The following AUTS2 variants were observed in gnomAD, a reference collection of about 807,000 sequenced individuals.
AUTS2 encodes activator of transcription and developmental regulator AUTS2, also known as autism susceptibility gene 2 protein.
AUTS2 carries 17 observed loss-of-function variants against 112.4 expected under a neutral mutation model. The ratio of observed to expected loss-of-function variants is 0.15; its 90% confidence interval spans 0.10 to 0.23. The LOEUF (loss-of-function observed/expected upper bound fraction) is 0.23, where lower values mean the gene tolerates loss of function less well. AUTS2 is among the 10% of genes least tolerant of loss of function. The pLI is 1.00. For missense variants in AUTS2, 1,510 were observed against 1,701.6 expected, an observed-to-expected ratio of 0.89 and a Z score of 1.98; for synonymous variants, 751 against 702.7, an observed-to-expected ratio of 1.07 and a Z score of -1.09.
chr7:70,462,959 A>G (rs1344687886), intron 5 of AUTS2, among the ~76,000 whole-genome samples: 1 of 147,852 alleles, frequency 6.8e-6, no homozygotes, highest in African/African-American at 2.5e-5. Flanking sequence ...CTCCGTCTCA[A>G]AAAAAAAAAA....
At chr7:70,371,363 T>C (rs905859470) in intron 4 of AUTS2, among the ~76,000 whole-genome samples, 3 of 152,218 alleles carry the variant, frequency 2.0e-5, no homozygotes, top group African/African-American at 4.8e-5. Flanking sequence ...AATGAATGTA[T>C]TGATTGCATG....
intron 5 of AUTS2, among the ~76,000 whole-genome samples, chr7:70,595,559 C>G (rs532443461): frequency 1.3e-5 from 2 of 152,100 alleles, no homozygotes; most frequent in South Asian, 4.2e-4. Flanking sequence ...AGGAAGGCAG[C>G]CCCAAGGGCA....
intron 2 of AUTS2, among the ~76,000 whole-genome samples, chr7:69,948,213 G>C (rs1796891230): frequency 6.6e-6 from 1 of 152,124 alleles, no homozygotes; most frequent in African/African-American, 2.4e-5. Context: ...CAAGTGGAGT[G>C]GTGGCCACTC....
intron 4 of AUTS2, among the ~76,000 whole-genome samples, chr7:70,362,406 A>G (rs1792311098): frequency 6.6e-6 from 1 of 152,136 alleles, no homozygotes; most frequent in Non-Finnish European, 1.5e-5. Context: ...ACCACACAAT[A>G]CATTGAGATT....
intron 5 of AUTS2, among the ~76,000 whole-genome samples, chr7:70,446,751 G>A (rs1268172313): frequency 6.6e-6 from 1 of 152,122 alleles, no homozygotes; most frequent in Non-Finnish European, 1.5e-5. Flanking sequence ...TGTGCTTCAG[G>A]CAGGCGGTCT....
intron 11 of AUTS2, among the ~76,000 whole-genome samples, chr7:70,772,035 C>A (rs1345318401): frequency 6.6e-6 from 1 of 152,184 alleles, no homozygotes; most frequent in Non-Finnish European, 1.5e-5. Context: ...AAAGCTGGGT[C>A]CTTACTGATT....
chr7:70,090,822 A>T (rs1183631917), intron 2 of AUTS2, among the ~76,000 whole-genome samples: 1 of 149,846 alleles, frequency 6.7e-6, no homozygotes, highest in Admixed American at 6.7e-5. Context: ...GGGACTACAG[A>T]TGTGCACCAC....
intron 6 of AUTS2, among the ~76,000 whole-genome samples, chr7:70,741,960 A>G (rs1393778966): frequency 6.6e-6 from 1 of 152,226 alleles, no homozygotes; most frequent in African/African-American, 2.4e-5. Context: ...TGGGCTCCAG[A>G]ATGCGGCTCA....
chr7:70,171,837 T>C (rs1053357729), intron 4 of AUTS2, among the ~76,000 whole-genome samples: 2 of 152,000 alleles, frequency 1.3e-5, no homozygotes, highest in African/African-American at 2.4e-5. Context: ...GCAATCTAGA[T>C]TTCTAACCCC....
chr7:70,253,645 C>A (rs1786715607), intron 4 of AUTS2, among the ~76,000 whole-genome samples: 1 of 152,058 alleles, frequency 6.6e-6, no homozygotes, highest in Admixed American at 6.5e-5. Context: ...CTGTGTGAGA[C>A]CATCTTATAT....
intron 1 of AUTS2, among the ~76,000 whole-genome samples, chr7:69,848,657 G>A (rs1317202703): frequency 2.0e-5 from 3 of 152,106 alleles, no homozygotes; most frequent in Non-Finnish European, 4.4e-5. Context: ...CATCTCTAAA[G>A]CAATATTTGT....
At chr7:70,006,646 G>T (rs1015267789) in intron 2 of AUTS2, among the ~76,000 whole-genome samples, 1 of 152,054 alleles carries the variant, frequency 6.6e-6, no homozygotes, top group Admixed American at 6.6e-5. Context: ...GATAATCCTC[G>T]CCCAACTTCC....
At chr7:70,574,698 A>G (rs1209420554) in intron 5 of AUTS2, among the ~76,000 whole-genome samples, 3 of 152,154 alleles carry the variant, frequency 2.0e-5, no homozygotes, top group Admixed American at 6.5e-5. Flanking sequence ...GGCTTGCTGC[A>G]CTGTAGAAAA....
intron 1 of AUTS2, among the ~76,000 whole-genome samples, chr7:69,725,757 G>A (rs1319432599): frequency 6.6e-6 from 1 of 152,122 alleles, no homozygotes; most frequent in East Asian, 1.9e-4. Context: ...GTTCCTAGCT[G>A]TCCCATATTT....
At chr7:70,211,425 G>A (rs1810885431) in intron 4 of AUTS2, among the ~76,000 whole-genome samples, 1 of 151,464 alleles carries the variant, frequency 6.6e-6, no homozygotes, top group Non-Finnish European at 1.5e-5. Flanking sequence ...AGAAGCGGGC[G>A]GATCACGAGG....
At chr7:69,963,722 G>T (rs551109152) in intron 2 of AUTS2, among the ~76,000 whole-genome samples, 1 of 152,076 alleles carries the variant, frequency 6.6e-6, no homozygotes, top group African/African-American at 2.4e-5. Flanking sequence ...ATTACCCTCC[G>T]TTTACAGATG....
intron 2 of AUTS2, among the ~76,000 whole-genome samples, chr7:69,994,546 G>A (rs924609023): frequency 1.3e-5 from 2 of 152,062 alleles, no homozygotes; most frequent in African/African-American, 4.8e-5. Flanking sequence ...TGTTAGAATA[G>A]GAATAGCATA....
intron 4 of AUTS2, among the ~76,000 whole-genome samples, chr7:70,236,038 G>A (rs73171743): frequency 0.027 from 4,108 of 152,060 alleles, 69 homozygotes; most frequent in Middle Eastern, 0.054. Flanking sequence ...ATCACTATTC[G>A]ATATAACATT....
intron 5 of AUTS2, among the ~76,000 whole-genome samples, chr7:70,540,736 A>G (rs1179298665): frequency 6.6e-6 from 1 of 152,180 alleles, no homozygotes; most frequent in Admixed American, 6.5e-5. Context: ...CTTCCTGCAA[A>G]ATCCTGACTG....
Sources: gnomAD v4.1 joint callset for allele counts (sites outside exome capture counted in the v4.1 genomes callset) on GRCh38, gnomAD v4.1.1 for gene constraint, MANE v1.5 for transcripts, NCBI Gene and HGNC (gene_info 2026-07-23, HGNC 2026-07-21) for gene names.